USP22: variants seen among roughly 807,000 people sequenced by gnomAD.
USP22 encodes ubiquitin specific peptidase 22, also known as ubiquitin carboxyl-terminal hydrolase 22.
Under a neutral mutation model 68.1 loss-of-function variants are expected in USP22, and 22 were observed. That is an observed-to-expected ratio of 0.32 (90% CI 0.23 to 0.46). The LOEUF (loss-of-function observed/expected upper bound fraction) is 0.46. Ranked by LOEUF, USP22 falls within the 20% of genes least tolerant of loss-of-function variation. The pLI is 1.00. For synonymous variants in USP22, 279 were observed against 274.2 expected (o/e 1.02, Z -0.17); for missense variants, 433 against 695.8 (o/e 0.62, Z 4.25).
In USP22 at chr17:21,028,579, A is replaced by G; in HGVS notation, c.267T>C (p.His89=). Residue 89 remains histidine (H), a synonymous_variant, in exon 2 of 13, where the codon CAT becomes CAC. Transcript: ENST00000261497. ...CVFFGCFTKK[H]IHEHAKAKRH... ...GCTTCGCCTTCGCATGCTCGTGAAT[A>G]TGCTTCTTTGTGAAACAGCCGAAGA... The G allele has an allele frequency of 1.9e-6, 3 of 1,614,090 alleles. No individual in the cohort carries two copies. Among genetic ancestry groups the G allele is most frequent in the Non-Finnish European group, 2.5e-6 (3 of 1,180,014 alleles).
At position 21,002,691 on chromosome 17, in the gene USP22, G is replaced by C. The variant is rs1352953554; in HGVS notation, c.*340C>G. The C allele has an allele frequency of 3.1e-6, 1 of 319,584 alleles. No individual in the cohort carries two copies. The highest frequency in any genetic ancestry group is 6.1e-6 in the Non-Finnish European group (1 of 163,906). 19.8% of individuals were successfully genotyped at this position (319,584 alleles called of 1,614,324 possible). On this transcript the variant is annotated 3_prime_UTR_variant, in exon 13 of 13. Transcript: ENST00000261497. ...AGGGGCCTTTCCACACCGAGTGCTG[G>C]GGAACGCCAGGCAGCGGTCACTCTG...
At position 21,042,828 on chromosome 17, in the gene USP22, G is replaced by C; in HGVS notation, c.8C>G (p.Ser3Cys). The C allele has an allele frequency of 7.2e-7, 1 of 1,386,462 alleles. No homozygotes were observed. The highest frequency in any genetic ancestry group is 9.4e-7 in the Non-Finnish European group (1 of 1,064,178). 85.9% of individuals were successfully genotyped at this position (1,386,462 alleles called of 1,614,324 possible). A position where few individuals can be genotyped will look rare whatever the true frequency, so the allele number is the denominator to read the frequency against. Reference protein sequence around the residue: MVSRPEPEGEAMD... With the variant: MVCRPEPEGEAMD... The stretch of plus-strand genomic sequence containing the variant: ...GGCCTCGCCCTCGGGCTCTGGCCGG[G>C]ACACCATGGGGGGCAAGGCCCGGCC... Residue 3 changes from serine to cysteine, a missense_variant, in exon 1 of 13, where the codon TCC becomes TGC. Transcript: ENST00000261497.
chr17:21,016,255 A>C (rs1412627959), intron 5 of USP22, among the ~76,000 whole-genome samples: 1 of 152,110 alleles, frequency 6.6e-6, no homozygotes, highest in African/African-American at 2.4e-5. Context: ...GGACACCAGC[A>C]CCTCCGCAAA....
chr17:21,037,096 G>C (rs1972367210), intron 1 of USP22, among the ~76,000 whole-genome samples: 1 of 152,196 alleles, frequency 6.6e-6, no homozygotes, highest in South Asian at 2.1e-4. Context: ...GCTCCCAGTG[G>C]ATACAGCCAG....
intron 1 of USP22, among the ~76,000 whole-genome samples, chr17:21,039,286 TG>T (rs1972397244): frequency 6.6e-6 from 1 of 150,906 alleles, no homozygotes; most frequent in East Asian, 2.0e-4. Flanking sequence ...AAGAGTTTTA[TG>T]GCAATTCGGG....
intron 6 of USP22, among the ~76,000 whole-genome samples, chr17:21,014,395 C>T (rs1489224169): frequency 6.6e-6 from 1 of 152,242 alleles, no homozygotes; most frequent in Admixed American, 6.5e-5. Context: ...AGCATAGTCA[C>T]TTCCACAGTG....
In USP22 at chr17:21,000,201, G is replaced by C. The variant is rs1028357463; in HGVS notation, c.*2830C>G. The C allele has an allele frequency of 1.3e-4, 20 of 152,218 alleles. No homozygotes were observed. The highest frequency in any genetic ancestry group is 4.8e-4 in the African/African-American group (20 of 41,454). 9.4% of individuals were successfully genotyped at this position (152,218 alleles called of 1,614,324 possible). The stretch of plus-strand genomic sequence containing the variant: ...TTTGTCACAATGTACACCTACATGG[G>C]GTGATTACTAGGCAACGGGAGGTTT... On this transcript the variant is annotated 3_prime_UTR_variant, in exon 13 of 13. Coordinates refer to ENST00000261497, the MANE Select transcript of USP22 (RefSeq NM_015276.2).
chr17:21,033,243 C>T (rs1345727621), intron 1 of USP22, among the ~76,000 whole-genome samples: 1 of 152,140 alleles, frequency 6.6e-6, no homozygotes, highest in African/African-American at 2.4e-5. Flanking sequence ...GAATTAAATC[C>T]TTTTCTCCTA....
At position 21,002,915 on chromosome 17, in the gene USP22, G is replaced by A; in HGVS notation, c.*116C>T. 1 of 1,270,274 alleles carries A rather than the reference G, an allele frequency of 7.9e-7. No individual in the cohort carries two copies. The highest frequency in any genetic ancestry group is 1.5e-5 in the African/African-American group (1 of 67,486). The allele number at this position is 1,270,274 out of a possible 1,614,324, so 78.7% of individuals were successfully genotyped here. A position where few individuals can be genotyped will look rare whatever the true frequency, so the allele number is the denominator to read the frequency against. ...AGGGGCCACATCTGCATGGGAGGTG[G>A]TGTCACCAGGCCGGGGAGGCGGCGG... On this transcript the variant is annotated 3_prime_UTR_variant, in exon 13 of 13. Transcript: ENST00000261497.
chr17:21,043,194 T>TCGCGCGCCCGTTAGGCTCTGGGTAGA (rs1399989618), upstream of USP22: 4 of 117,580 alleles, frequency 3.4e-5, no homozygotes, highest in African/African-American at 1.5e-4. Flanking sequence ...TCCCCCACAC[T>TCGCGCGCCCGTTAGGCTCTGGGTAGA]CGCGCGCCCG....
At position 21,002,808 on chromosome 17, in the gene USP22, C is replaced by T; in HGVS notation, c.*223G>A. On this transcript the variant is annotated 3_prime_UTR_variant, in exon 13 of 13. Transcript: ENST00000261497. ...TGCTCCTCCCACCCAGAGCACACCC[C>T]TCATCTCATCCATCTTCAAAGCAGC... is the stretch of plus-strand genomic sequence containing the variant. The T allele has an allele frequency of 1.9e-6, 1 of 532,184 alleles. No homozygotes were observed. Among genetic ancestry groups the T allele is most frequent in the Non-Finnish European group, 3.4e-6 (1 of 291,410 alleles). The allele number at this position is 532,184 out of a possible 1,614,324, so 33.0% of individuals were successfully genotyped here.
At chr17:21,025,246 T>C (rs779226523) in intron 2 of USP22, among the ~76,000 whole-genome samples, 4 of 151,976 alleles carry the variant, frequency 2.6e-5, no homozygotes, top group Admixed American at 6.6e-5. Context: ...TCCAAACATA[T>C]ACAAATGGCC....
At chr17:21,042,632 C>T (rs1972454352) in intron 1 of USP22, 33 bp downstream of exon 1, 3 of 1,259,376 alleles carry the variant, frequency 2.4e-6, no homozygotes, top group Admixed American at 4.2e-5. Flanking sequence ...CAGAAGGCCC[C>T]GAGCCCGCCG....
intron 5 of USP22, among the ~76,000 whole-genome samples, chr17:21,016,681 G>A (rs1164435292): frequency 6.6e-6 from 1 of 152,184 alleles, no homozygotes; most frequent in Non-Finnish European, 1.5e-5. Flanking sequence ...GATTCAGAAA[G>A]GCTACTTCCT....
chr17:21,018,153 G>C, intron 4 of USP22, 42 bp from the exon 5 acceptor site: 1 of 1,508,182 alleles, frequency 6.6e-7, no homozygotes, highest in South Asian at 1.3e-5. Flanking sequence ...CCTGTGTGCT[G>C]AACCACAGGT....
intron 2 of USP22, among the ~76,000 whole-genome samples, chr17:21,022,500 T>TTA (rs1168034796): frequency 6.6e-6 from 1 of 152,110 alleles, no homozygotes; most frequent in African/African-American, 2.4e-5. Context: ...ATTCAACAAT[T>TTA]TATAAACAAC....
intron 1 of USP22, 117 bp downstream of exon 1, chr17:21,042,548 A>C: frequency 2.0e-6 from 2 of 999,736 alleles, no homozygotes; most frequent in South Asian, 3.8e-5. Flanking sequence ...AGGAAGAGGA[A>C]GGACAGGGAA....
intron 10 of USP22, 44 bp downstream of exon 10, chr17:21,006,852 T>C (rs1913797891): frequency 1.3e-6 from 2 of 1,490,726 alleles, no homozygotes; most frequent in African/African-American, 2.8e-5. Flanking sequence ...CCTGATAGGA[T>C]CACAGCCCCT....
chr17:21,004,146 C>A (rs375969340), intron 12 of USP22, 56 bp downstream of exon 12: 3 of 1,592,974 alleles, frequency 1.9e-6, no homozygotes, highest in Admixed American at 3.4e-5. Context: ...TCAGCTATAC[C>A]GGAGGGGAAG....
Sources: allele counts gnomAD v4.1 joint callset (sites outside exome capture counted in the v4.1 genomes callset), GRCh38; gene constraint gnomAD v4.1.1; transcripts MANE v1.5; gene names NCBI Gene and HGNC (gene_info 2026-07-23, HGNC 2026-07-21).